Variants in VPS13B observed in about 807,000 individuals in gnomAD.
VPS13B encodes intermembrane lipid transfer protein VPS13B.
VPS13B carries 285 observed loss-of-function variants against 426.4 expected under a neutral mutation model. The observed-to-expected ratio is 0.67, with a 90% CI of 0.61 to 0.74. The LOEUF is 0.74. VPS13B is among the 30% of genes least tolerant of loss of function. The pLI, the probability that VPS13B is intolerant of heterozygous loss-of-function variation, is 0.00. For synonymous variants in VPS13B, 1,676 were observed against 1,676.4 expected (o/e 1.00, Z 0.01); for missense variants, 4,537 against 4,782.6 (o/e 0.95, Z 1.51).
intron 39 of VPS13B, among the ~76,000 whole-genome samples, chr8:99,763,666 T>C (rs1321870393): frequency 6.6e-6 from 1 of 152,062 alleles, no homozygotes; most frequent in African/African-American, 2.4e-5. Context: ...AGTGAGAAAG[T>C]AGGGGGTATA....
At chr8:99,135,312 T>C (rs1810017370) in intron 10 of VPS13B, among the ~76,000 whole-genome samples, 175 bp downstream of exon 10, 1 of 152,096 alleles carries the variant, frequency 6.6e-6, no homozygotes, top group East Asian at 1.9e-4. Context: ...CAGGGAAGTT[T>C]AGAAAGTTGG....
intron 6 of VPS13B, among the ~76,000 whole-genome samples, chr8:99,112,510 A>G (rs945380410): frequency 2.0e-5 from 3 of 152,078 alleles, no homozygotes; most frequent in African/African-American, 7.2e-5. Flanking sequence ...CACACGGTGT[A>G]TAATGCATAT....
chr8:99,014,364 C>G lies in VPS13B; in HGVS notation c.147+429C>G, dbSNP rs1189215295. On this transcript the variant is annotated intron_variant, in intron 2 of 61. Transcript: ENST00000357162. ...AACTCCTGAGCTTAGGTGATCCGCC[C>G]GCCTCAGTCTTCCGAAGTGCTGGGA... Among the ~76,000 whole-genome samples, 3 of 151,668 alleles carry G rather than the reference C, an allele frequency of 2.0e-5. No individual in the cohort carries two copies. The South Asian group carries it at 6.2e-4, about 31-fold the overall frequency.
At chr8:99,857,814 G>A (rs928016829) in intron 56 of VPS13B, among the ~76,000 whole-genome samples, 5 of 152,302 alleles carry the variant, frequency 3.3e-5, no homozygotes, top group East Asian at 1.9e-4. Context: ...TGCAGTTACC[G>A]TGAGAATTAA....
chr8:99,732,276 C>G, intron 39 of VPS13B, among the ~76,000 whole-genome samples: 1 of 152,196 alleles, frequency 6.6e-6, no homozygotes, highest in East Asian at 1.9e-4. Flanking sequence ...GTCATGAGGA[C>G]CCATCTTCCT....
At chr8:99,215,387 A>G (rs1407390889) in intron 17 of VPS13B, among the ~76,000 whole-genome samples, 1 of 152,226 alleles carries the variant, frequency 6.6e-6, no homozygotes, top group Non-Finnish European at 1.5e-5. Context: ...GTTAAAATAG[A>G]ATTTCTGTAT....
At chr8:99,097,078 G>A (rs2132434434) in intron 4 of VPS13B, among the ~76,000 whole-genome samples, 1 of 152,240 alleles carries the variant, frequency 6.6e-6, no homozygotes, top group African/African-American at 2.4e-5. Flanking sequence ...TCATTGAGGA[G>A]AACTATTTGC....
intron 16 of VPS13B, among the ~76,000 whole-genome samples, chr8:99,173,976 A>G (rs1812494326): frequency 6.6e-6 from 1 of 152,218 alleles, no homozygotes; most frequent in Admixed American, 6.5e-5. Flanking sequence ...CATTAAGTAC[A>G]TTCACATTGT....
chr8:99,440,543 C>T (rs766450362), intron 22 of VPS13B, among the ~76,000 whole-genome samples: 5 of 151,894 alleles, frequency 3.3e-5, no homozygotes, highest in Non-Finnish European at 7.4e-5. Context: ...ATAGATAAAA[C>T]ATAATAATTT....
intron 19 of VPS13B, among the ~76,000 whole-genome samples, chr8:99,315,762 G>A (rs751972236): frequency 2.6e-5 from 4 of 151,796 alleles, no homozygotes; most frequent in African/African-American, 4.8e-5. Context: ...TCAGCCTCCC[G>A]AGTAGCTAGG....
At chr8:99,534,881 A>G (rs1823118260) in intron 30 of VPS13B, among the ~76,000 whole-genome samples, 1 of 152,230 alleles carries the variant, frequency 6.6e-6, no homozygotes, top group African/African-American at 2.4e-5. Flanking sequence ...TGTAACCTGC[A>G]CATCATCATA....
intron 30 of VPS13B, among the ~76,000 whole-genome samples, chr8:99,534,775 G>A (rs1364255986): frequency 9.9e-5 from 15 of 152,164 alleles, no homozygotes; most frequent in Admixed American, 9.8e-4. Context: ...AGTGTCTGAT[G>A]TAAAGGAAGA....
rs1817716780 is a variant in VPS13B, at chr8:99,876,726, A to AAAT, written c.*1062_*1064dup. Reference sequence around the variant, plus strand: ...TACCAAGATGTCTTAAATGTTCAGTAAATATCTTTCTTACAGTCCAGTAGC... The same window carrying AAAT: ...TACCAAGATGTCTTAAATGTTCAGTAAATAATATCTTTCTTACAGTCCAGTAGC... On this transcript the variant is annotated 3_prime_UTR_variant, in exon 62 of 62. Transcript: ENST00000357162. The AAAT allele has an allele frequency of 6.6e-6, 1 of 152,222 alleles. No individual in the cohort carries two copies. Among genetic ancestry groups the AAAT allele is most frequent in the Non-Finnish European group, 1.5e-5 (1 of 68,044 alleles). 9.4% of individuals were successfully genotyped at this position (152,222 alleles called of 1,614,324 possible).
rs920950164 is a variant in VPS13B at position 99,365,160 on chromosome 8, CT to C, written c.2825-19037del. 1.6e-3 allele frequency among the ~76,000 whole-genome samples: 229 copies of C among 142,978 alleles called. 2 individuals carry two copies. Among genetic ancestry groups the C allele is most frequent in the African/African-American group, 4.2e-3 (163 of 39,204 alleles). 93.8% of individuals were successfully genotyped at this position (142,978 alleles called of 152,430 possible). On this transcript the variant is annotated intron_variant, in intron 19 of 61. Transcript: ENST00000357162. ...ATCTTTGATTTTATTTGTATCTTACCTTTTTTTTTTTCTTTATCTGGCTAAA... is the reference window on the plus strand; with the variant it reads ...ATCTTTGATTTTATTTGTATCTTACCTTTTTTTTTTCTTTATCTGGCTAAA...
At chr8:99,338,166 A>T (rs1162333050) in intron 19 of VPS13B, among the ~76,000 whole-genome samples, 1 of 152,140 alleles carries the variant, frequency 6.6e-6, no homozygotes, top group African/African-American at 2.4e-5. Context: ...AAGATTATAT[A>T]AAGTACTATG....
intron 43 of VPS13B, among the ~76,000 whole-genome samples, chr8:99,791,720 TAAAAAA>T (rs1163608239): frequency 1.1e-5 from 1 of 90,072 alleles, no homozygotes; most frequent in African/African-American, 4.1e-5. Context: ...GAACAGAACT[TAAAAAA>T]AAAAAAAAAA....
chr8:99,510,700 C>T (rs1333289892), intron 28 of VPS13B, among the ~76,000 whole-genome samples: 15 of 152,056 alleles, frequency 9.9e-5, no homozygotes, highest in African/African-American at 2.9e-4. Context: ...TGAGTAGAGA[C>T]GGGATTTCAC....
intron 20 of VPS13B, among the ~76,000 whole-genome samples, chr8:99,389,309 G>A (rs952195076): frequency 6.6e-6 from 1 of 151,968 alleles, no homozygotes; most frequent in East Asian, 1.9e-4. Context: ...TTCAGCTATT[G>A]TGCTTGAATT....
chr8:99,020,315 A>G lies in VPS13B; in HGVS notation c.147+6380A>G, dbSNP rs546520302. 7.9e-5 allele frequency among the ~76,000 whole-genome samples: 12 copies of G among 152,184 alleles called. No individual in the cohort carries two copies. The South Asian group carries it at 1.9e-3, about 24-fold the overall frequency. On this transcript the variant is annotated intron_variant, in intron 2 of 61. Transcript: ENST00000357162. ...AATGCCTATTTGAGTCCTTTGCCCA[A>G]TTTTGAATCGGGTTCTTTGTTTTTT...
Sources: allele counts gnomAD v4.1 joint callset (sites outside exome capture counted in the v4.1 genomes callset), GRCh38; gene constraint gnomAD v4.1.1; transcripts MANE v1.5; gene names NCBI Gene and HGNC (gene_info 2026-07-23, HGNC 2026-07-21).